ARHGAP20: variants seen among roughly 807,000 people sequenced by gnomAD.
ARHGAP20 encodes the protein rho GTPase-activating protein 20.
ARHGAP20 carries 34 observed loss-of-function variants against 73.7 expected under a neutral mutation model. The ratio of observed to expected loss-of-function variants is 0.46; its 90% confidence interval spans 0.35 to 0.61. ARHGAP20 has a LOEUF of 0.61. Ranked by LOEUF, ARHGAP20 falls within the 20% of genes least tolerant of loss-of-function variation. The probability of loss-of-function intolerance (pLI) is 0.00; values close to 1 mark genes in which losing one functional copy is unlikely to be tolerated. For synonymous variants in ARHGAP20, 523 were observed against 518.2 expected, an observed-to-expected ratio of 1.01 and a Z score of -0.13; for missense variants, 1,314 against 1,420.9, an observed-to-expected ratio of 0.92 and a Z score of 1.21.
At chr11:110,615,483 T>G (rs999733541) in intron 5 of ARHGAP20, 70 bp downstream of exon 5, 2 of 1,426,272 alleles carry the variant, frequency 1.4e-6, no homozygotes, top group South Asian at 2.5e-5. Flanking sequence ...TTGGGGCACA[T>G]CTCTGCAGAA....
intron 3 of ARHGAP20, among the ~76,000 whole-genome samples, chr11:110,627,150 A>G (rs1948762354): frequency 6.6e-6 from 1 of 152,066 alleles, no homozygotes; most frequent in South Asian, 2.1e-4. Flanking sequence ...GTGCATTGGC[A>G]TGATCTTGGC....
intron 1 of ARHGAP20, among the ~76,000 whole-genome samples, chr11:110,699,558 T>G (rs1340195705): frequency 6.6e-6 from 1 of 151,958 alleles, no homozygotes; most frequent in Non-Finnish European, 1.5e-5. Context: ...TGTAGTAGTA[T>G]TTGTTTTATG....
chr11:110,630,294 T>C (rs1357956264), intron 3 of ARHGAP20, among the ~76,000 whole-genome samples: 1 of 152,136 alleles, frequency 6.6e-6, no homozygotes, highest in Non-Finnish European at 1.5e-5. Flanking sequence ...ATAGTACTAA[T>C]CACAATTTGT....
chr11:110,607,912 T>C (rs761622322), intron 8 of ARHGAP20, among the ~76,000 whole-genome samples: 4 of 152,204 alleles, frequency 2.6e-5, no homozygotes, highest in Non-Finnish European at 4.4e-5. Context: ...ATATATTTTA[T>C]TAAAACAATT....
intron 2 of ARHGAP20, among the ~76,000 whole-genome samples, chr11:110,644,691 G>C (rs1385070826): frequency 6.6e-6 from 1 of 152,072 alleles, no homozygotes; most frequent in Non-Finnish European, 1.5e-5. Flanking sequence ...AAAAATCCTA[G>C]AAGAAAACCT....
In ARHGAP20 at chr11:110,645,472, A is replaced by G. The variant is rs186126355; in HGVS notation, c.189-14680T>C. 4.6e-5 allele frequency among the ~76,000 whole-genome samples: 7 copies of G among 152,302 alleles called. No homozygotes were observed. The East Asian group carries it at 1.4e-3, about 29-fold the overall frequency. The stretch of plus-strand genomic sequence containing the variant: ...TTTTGTTAAAAAGTCAAAAAGCAAC[A>G]GATACTGGTGAGGCTACAGAGAAAA... On this transcript the variant is annotated intron_variant, in intron 2 of 14. Coordinates refer to ENST00000683387, the MANE Select transcript of ARHGAP20 (RefSeq NM_001384657.1).
At chr11:110,632,762 A>G (rs957796275) in intron 2 of ARHGAP20, among the ~76,000 whole-genome samples, 13 of 152,242 alleles carry the variant, frequency 8.5e-5, no homozygotes, top group South Asian at 6.2e-4. Context: ...CTTACTGGCC[A>G]TTTGCATTAT....
At chr11:110,607,678 A>G (rs1047209184) in intron 8 of ARHGAP20, among the ~76,000 whole-genome samples, 1 of 152,236 alleles carries the variant, frequency 6.6e-6, no homozygotes, top group Non-Finnish European at 1.5e-5. Flanking sequence ...AGATTAAGAC[A>G]GAAAAAGGCT....
intron 12 of ARHGAP20, among the ~76,000 whole-genome samples, chr11:110,584,966 T>TATATATGA (rs1555082412): frequency 9.4e-6 from 1 of 105,894 alleles, no homozygotes; most frequent in African/African-American, 3.0e-5. Flanking sequence ...TATATGTGAA[T>TATATATGA]ATATGAATAT....
At chr11:110,648,210 A>AATATATATATAT (rs1242747967) in intron 2 of ARHGAP20, among the ~76,000 whole-genome samples, 2 of 113,330 alleles carry the variant, frequency 1.8e-5, no homozygotes, top group African/African-American at 3.9e-5. Context: ...TATATATGTA[A>AATATATATATAT]ATATATATAT....
chr11:110,582,936 C>A (rs1479002435), intron 13 of ARHGAP20, among the ~76,000 whole-genome samples: 1 of 152,136 alleles, frequency 6.6e-6, no homozygotes, highest in African/African-American at 2.4e-5. Context: ...GATAGGCTCC[C>A]TAACAAGAGG....
At chr11:110,582,606 AAGT>A (rs1210447870) in intron 13 of ARHGAP20, among the ~76,000 whole-genome samples, 171 bp from the exon 14 acceptor site, 4 of 152,364 alleles carry the variant, frequency 2.6e-5, no homozygotes, top group African/African-American at 9.6e-5. Context: ...ATACTTTTAA[AAGT>A]AGTTTGGGCA....
intron 2 of ARHGAP20, among the ~76,000 whole-genome samples, chr11:110,671,839 A>G: frequency 6.6e-6 from 1 of 152,152 alleles, no homozygotes; most frequent in African/African-American, 2.4e-5. Flanking sequence ...ATGTATACAT[A>G]TATAGCCAAT....
chr11:110,656,455 G>T (rs552919514), intron 2 of ARHGAP20, among the ~76,000 whole-genome samples: 1 of 152,192 alleles, frequency 6.6e-6, no homozygotes, highest in Admixed American at 6.5e-5. Flanking sequence ...GAGACCAAGA[G>T]GCTTTTCTGC....
intron 1 of ARHGAP20, among the ~76,000 whole-genome samples, chr11:110,695,803 A>G (rs1236541284): frequency 6.6e-6 from 1 of 151,656 alleles, no homozygotes; most frequent in East Asian, 1.9e-4. Flanking sequence ...CGATCCTGCA[A>G]TTCTACTCCT....
rs1245500473 is a variant in ARHGAP20 at position 110,580,735 on chromosome 11, T to G, written c.2211A>C (p.Gln737His). 1 of 1,614,128 alleles carries G rather than the reference T, an allele frequency of 6.2e-7. No homozygotes were observed. Among genetic ancestry groups the G allele is most frequent in the Non-Finnish European group, 8.5e-7 (1 of 1,179,996 alleles). Reference sequence around the variant, plus strand: ...TCTGCTTCAGATAGTCTTCATCTTTTTGAGAAAGAATTGCATCACAGCTGG... The same window carrying G: ...TCTGCTTCAGATAGTCTTCATCTTTGTGAGAAAGAATTGCATCACAGCTGG... ...RKSSCDAILS[Q>H]KDEDYLKQNQ... Residue 737 changes from glutamine (Q) to histidine (H), a missense_variant, in exon 15 of 15, where the codon CAA (glutamine) becomes CAC (histidine). This residue lies in a region of ARHGAP20 where 641 missense variants were observed against 636.9 expected (regional missense o/e 1.01). Coordinates refer to ENST00000683387, the MANE Select transcript of ARHGAP20 (RefSeq NM_001384657.1).
At chr11:110,608,859 T>C (rs1948297240) in intron 8 of ARHGAP20, 125 bp downstream of exon 8, 1 of 735,806 alleles carries the variant, frequency 1.4e-6, no homozygotes, top group Non-Finnish European at 2.2e-6. Context: ...CTTTATTAAA[T>C]GAACACCATG....
intron 2 of ARHGAP20, among the ~76,000 whole-genome samples, chr11:110,680,489 C>T (rs896518621): frequency 2.6e-5 from 4 of 151,902 alleles, no homozygotes; most frequent in South Asian, 2.1e-4. Flanking sequence ...GTAAGGATGT[C>T]GTAGGACAGA....
chr11:110,676,324 T>G (rs1012850232), intron 2 of ARHGAP20, among the ~76,000 whole-genome samples: 1 of 152,212 alleles, frequency 6.6e-6, no homozygotes, highest in Admixed American at 6.5e-5. Flanking sequence ...TACCTGAGAC[T>G]AGGTAATTTA....
Sources: allele counts gnomAD v4.1 joint callset (sites outside exome capture counted in the v4.1 genomes callset), GRCh38; gene constraint gnomAD v4.1.1; regional missense constraint gnomAD v4.1.1; transcripts MANE v1.5; gene names NCBI Gene and HGNC (gene_info 2026-07-23, HGNC 2026-07-21).